GALNT13: variants seen among roughly 807,000 people sequenced by gnomAD.
GALNT13 encodes the protein polypeptide N-acetylgalactosaminyltransferase 13.
Under a neutral mutation model 64.2 loss-of-function variants are expected in GALNT13, and 28 were observed. The observed-to-expected ratio is 0.44, with a 90% CI of 0.32 to 0.60. The LOEUF is 0.60. Among genes scored for constraint, GALNT13 ranks in the 20% least tolerant of loss-of-function variants. The pLI, the probability that GALNT13 is intolerant of heterozygous loss-of-function variation, is 0.05. For missense variants in GALNT13, 577 were observed against 669.8 expected (o/e 0.86, Z 1.53); for synonymous variants, 214 against 224.6 (o/e 0.95, Z 0.42).
At position 154,373,558 on chromosome 2, in the gene GALNT13, G is replaced by T. The variant is rs942052972; in HGVS notation, c.1157-22433G>T. On this transcript the variant is annotated intron_variant, in intron 9 of 12. Transcript: ENST00000392825. ...GTTGAAGAGCATATAGACAGTAAGG[G>T]ATAGAACAGACAACTTCATCACTGG... Among the ~76,000 whole-genome samples the T allele has an allele frequency of 3.9e-5, 6 of 152,152 alleles. No homozygotes were observed. In the East Asian group the frequency reaches 1.2e-3, roughly 29 times the overall value.
At chr2:153,322,114 C>A in the GALNT13 span, among the ~76,000 whole-genome samples, 1 of 151,792 alleles carries the variant, frequency 6.6e-6, no homozygotes, top group South Asian at 2.1e-4. Context: ...GTTTGGATTA[C>A]AAATGGCCGA....
chr2:153,709,192 T>A, the GALNT13 span, among the ~76,000 whole-genome samples: 2 of 151,720 alleles, frequency 1.3e-5, no homozygotes, highest in Non-Finnish European at 2.9e-5. Context: ...CAAGAAACAA[T>A]TTACAAATTG....
rs553217090 is a variant in GALNT13, at chr2:154,437,623, G to A, written c.1396-969G>A. On this transcript the variant is annotated intron_variant, in intron 11 of 12. Transcript: ENST00000392825. ...TGTAATCCCAGCACTTTGGGAGGCC[G>A]AGGCAGGTGGATCATGAGGTCGGGA... The A allele has an allele frequency of 1.9e-4, 153 of 811,546 alleles. 1 individual carries two copies. In the Middle Eastern group the frequency reaches 1.9e-3, roughly 10 times the overall value. 50.3% of individuals were successfully genotyped at this position (811,546 alleles called of 1,614,324 possible).
At chr2:153,864,688 T>C in the GALNT13 span, among the ~76,000 whole-genome samples, 2 of 151,848 alleles carry the variant, frequency 1.3e-5, no homozygotes, top group African/African-American at 2.4e-5. Context: ...GAACATTCCA[T>C]GCTCATGGGT....
chr2:153,304,759 A>G, the GALNT13 span, among the ~76,000 whole-genome samples: 2 of 152,216 alleles, frequency 1.3e-5, no homozygotes, highest in African/African-American at 4.8e-5. Flanking sequence ...CACAGGTTTC[A>G]TGTGTACTCC....
At chr2:154,217,409 T>A (rs1688103453) in intron 4 of GALNT13, among the ~76,000 whole-genome samples, 1 of 152,172 alleles carries the variant, frequency 6.6e-6, no homozygotes, top group Admixed American at 6.6e-5. Flanking sequence ...AATAAAATTG[T>A]GTAAATTAGT....
At chr2:154,209,787 T>C (rs1043060440) in intron 4 of GALNT13, among the ~76,000 whole-genome samples, 1 of 152,196 alleles carries the variant, frequency 6.6e-6, no homozygotes, top group Admixed American at 6.5e-5. Flanking sequence ...CTTTGATATA[T>C]GTACATATGT....
chr2:153,085,764 T>C, the GALNT13 span, among the ~76,000 whole-genome samples: 3 of 152,018 alleles, frequency 2.0e-5, no homozygotes, highest in African/African-American at 4.8e-5. Flanking sequence ...AGCCCCCACA[T>C]TGAGTGCCTA....
At chr2:153,199,224 G>A in the GALNT13 span, among the ~76,000 whole-genome samples, 2 of 152,190 alleles carry the variant, frequency 1.3e-5, no homozygotes, top group Admixed American at 1.3e-4. Flanking sequence ...GCATAATATT[G>A]GGCTACCAAA....
the GALNT13 span, among the ~76,000 whole-genome samples, chr2:153,602,965 T>C: frequency 6.6e-6 from 1 of 151,882 alleles, no homozygotes; most frequent in Non-Finnish European, 1.5e-5. Flanking sequence ...TGATTGCAAT[T>C]GCTGTGAGGT....
intron 4 of GALNT13, among the ~76,000 whole-genome samples, chr2:154,145,592 A>G (rs1683544546): frequency 6.6e-6 from 1 of 151,980 alleles, no homozygotes; most frequent in Admixed American, 6.6e-5. Context: ...AAAATAGGAA[A>G]TTTATTTTAG....
At chr2:154,378,190 A>T (rs1269470390) in intron 9 of GALNT13, among the ~76,000 whole-genome samples, 1 of 152,098 alleles carries the variant, frequency 6.6e-6, no homozygotes, top group African/African-American at 2.4e-5. Flanking sequence ...TACAACCCAC[A>T]TTCAAGAGGT....
At chr2:153,949,196 A>G (rs962772301) in intron 3 of GALNT13, among the ~76,000 whole-genome samples, 2 of 152,146 alleles carry the variant, frequency 1.3e-5, no homozygotes, top group Non-Finnish European at 2.9e-5. Context: ...GTGTAAGTAC[A>G]TTCTATGATG....
At chr2:153,923,993 A>G (rs1689937043) in intron 2 of GALNT13, among the ~76,000 whole-genome samples, 1 of 152,116 alleles carries the variant, frequency 6.6e-6, no homozygotes, top group Non-Finnish European at 1.5e-5. Flanking sequence ...TAGTGCCACA[A>G]TAAACATACA....
chr2:153,725,241 G>A, the GALNT13 span, among the ~76,000 whole-genome samples: 14 of 149,202 alleles, frequency 9.4e-5, no homozygotes, highest in Non-Finnish European at 1.9e-4. Flanking sequence ...TCCCTCATAG[G>A]TGGGAATTGA....
intron 7 of GALNT13, among the ~76,000 whole-genome samples, chr2:154,253,308 G>A (rs1690187622): frequency 6.6e-6 from 1 of 152,082 alleles, no homozygotes; most frequent in Non-Finnish European, 1.5e-5. Flanking sequence ...TGAAATACAG[G>A]ATATATTGTC....
intron 3 of GALNT13, among the ~76,000 whole-genome samples, chr2:154,006,943 G>C (rs1210858333): frequency 6.6e-6 from 1 of 152,148 alleles, no homozygotes; most frequent in African/African-American, 2.4e-5. Context: ...AGGACCTATG[G>C]ATGTGATGGG....
chr2:153,360,349 C>T, the GALNT13 span, among the ~76,000 whole-genome samples: 13 of 152,302 alleles, frequency 8.5e-5, no homozygotes, highest in African/African-American at 2.9e-4. Context: ...CACAGAGCCA[C>T]GCAGATTCTC....
At chr2:153,488,319 T>C in the GALNT13 span, among the ~76,000 whole-genome samples, 12 of 152,246 alleles carry the variant, frequency 7.9e-5, no homozygotes, top group Non-Finnish European at 1.2e-4. Flanking sequence ...GCATTCAGCA[T>C]GTCACATTCG....
Sources: allele counts gnomAD v4.1 joint callset (sites outside exome capture counted in the v4.1 genomes callset), GRCh38; gene constraint gnomAD v4.1.1; transcripts MANE v1.5; gene names NCBI Gene and HGNC (gene_info 2026-07-23, HGNC 2026-07-21).